SCTR: variants seen among roughly 807,000 people sequenced by gnomAD.
The protein encoded by SCTR is secretin receptor, also known as pancreatic secretin receptor.
Under a neutral mutation model 60.8 loss-of-function variants are expected in SCTR, and 56 were observed. The ratio of observed to expected loss-of-function variants is 0.92; its 90% CI spans 0.74 to 1.15. SCTR has a LOEUF of 1.15. Among genes scored for constraint, SCTR ranks in the 50% most tolerant of loss-of-function variants. The probability of loss-of-function intolerance (pLI) is 0.00; values close to 1 mark genes in which losing one functional copy is unlikely to be tolerated. For synonymous variants in SCTR, 202 were observed against 217.0 expected, an observed-to-expected ratio of 0.93 and a Z score of 0.61; for missense variants, 562 against 550.4, an observed-to-expected ratio of 1.02 and a Z score of -0.21.
In SCTR at chr2:119,446,885, C is replaced by T. The variant is rs779907372; in HGVS notation, c.1014G>A (p.Lys338=). ...ETRGNEVSHY[K]RLARSTLLLI... ...GCAGGAGAGTGGACCTGGCCAGGCG[C>T]CTGGGGACACAGAAAGCCTGTAGCC... Residue 338 remains lysine (K), a splice_region_variant and synonymous_variant, in exon 11 of 13, where the codon AAG becomes AAA. Transcript: ENST00000019103. 1 of 1,515,054 alleles carries T rather than the reference C, an allele frequency of 6.6e-7. No homozygotes were observed. Among genetic ancestry groups the T allele is most frequent in the Admixed American group, 2.1e-5 (1 of 48,286 alleles). 93.9% of individuals were successfully genotyped at this position (1,515,054 alleles called of 1,614,324 possible).
intron 4 of SCTR, among the ~76,000 whole-genome samples, chr2:119,467,176 C>A (rs766966309): frequency 6.6e-6 from 1 of 151,834 alleles, no homozygotes; most frequent in Non-Finnish European, 1.5e-5. Flanking sequence ...GGTTAGAGTT[C>A]GAGACCAGCC....
chr2:119,451,544 G>C (rs1417015703), intron 9 of SCTR, among the ~76,000 whole-genome samples: 1 of 152,170 alleles, frequency 6.6e-6, no homozygotes, highest in Non-Finnish European at 1.5e-5. Flanking sequence ...GAGCCCACTC[G>C]CAGCACTGCA....
chr2:119,465,141 C>T (rs566345443), intron 5 of SCTR, among the ~76,000 whole-genome samples: 70 of 152,280 alleles, frequency 4.6e-4, no homozygotes, highest in African/African-American at 1.5e-3. Flanking sequence ...GTGATTGGCT[C>T]AGAGTTGGGC....
chr2:119,473,563 G>A lies in SCTR; in HGVS notation c.302-7C>T. 6.3e-7 allele frequency: 1 copy of A among 1,596,672 alleles called. No individual in the cohort carries two copies. Among genetic ancestry groups the A allele is most frequent in the African/African-American group, 1.3e-5 (1 of 74,636 alleles). On this transcript the variant is annotated splice_region_variant and splice_polypyrimidine_tract_variant and intron_variant, in intron 3 of 12. Transcript: ENST00000019103. The stretch of plus-strand genomic sequence containing the variant: ...CAGTTTCGGAACAAGGAACCTGTGG[G>A]TGCCAAGAGTCCTGTAGGTGAGCCA...
chr2:119,509,111 G>A (rs200838376), intron 1 of SCTR, among the ~76,000 whole-genome samples: 6 of 152,332 alleles, frequency 3.9e-5, no homozygotes, highest in Middle Eastern at 3.4e-3. Flanking sequence ...TCAATGGGAC[G>A]TTAGTGATTT....
intron 12 of SCTR, among the ~76,000 whole-genome samples, chr2:119,440,902 C>G (rs543374325): frequency 3.0e-4 from 45 of 152,326 alleles, no homozygotes; most frequent in Non-Finnish European, 6.2e-4. Context: ...TGGGAAACAT[C>G]AAAGATCACT....
chr2:119,480,553 A>G (rs1677553480), intron 2 of SCTR: 1 of 152,236 alleles, frequency 6.6e-6, no homozygotes, highest in African/African-American at 2.4e-5. Context: ...GTTACTTTGA[A>G]TGCTATGAAC....
chr2:119,509,231 A>T (rs1271758111), intron 1 of SCTR, among the ~76,000 whole-genome samples: 1 of 152,192 alleles, frequency 6.6e-6, no homozygotes, highest in Non-Finnish European at 1.5e-5. Flanking sequence ...CAGGGGATGG[A>T]GCCAAGCCGG....
chr2:119,514,080 G>A (rs544658706), intron 1 of SCTR, among the ~76,000 whole-genome samples: 7 of 152,164 alleles, frequency 4.6e-5, no homozygotes, highest in African/African-American at 9.7e-5. Context: ...GTCCCACTGT[G>A]GTGTATAAGT....
chr2:119,493,842 T>C (rs1230728257), intron 2 of SCTR, among the ~76,000 whole-genome samples: 1 of 152,094 alleles, frequency 6.6e-6, no homozygotes, highest in Non-Finnish European at 1.5e-5. Context: ...GGTTTCACCA[T>C]ATTGGTCAAG....
intron 2 of SCTR, 72 bp from the exon 3 acceptor site, chr2:119,478,990 AC>A: frequency 6.3e-7 from 1 of 1,590,282 alleles, no homozygotes; most frequent in Non-Finnish European, 8.6e-7. Context: ...TGTCCACATC[AC>A]CGACACCCTT....
chr2:119,515,496 C>T (rs764323690), intron 1 of SCTR, among the ~76,000 whole-genome samples: 2 of 152,156 alleles, frequency 1.3e-5, no homozygotes, highest in East Asian at 1.9e-4. Context: ...TCTGCTTCAA[C>T]GTGGGCAGGC....
Position 119,478,881 on chromosome 2 carries a change from G to A in SCTR, c.231C>T (p.Pro77=). ...CCACCATCCGGCCCGGCACAGAAGA[G>A]GGCCAGCAGCTTATGTTGTCCCACA... ...EGMWDNISCW[P]SSVPGRMVEV... is the part of the protein sequence containing the mutation. Residue 77 remains proline, a synonymous_variant, in exon 3 of 13, where the codon CCC becomes CCT. Transcript: ENST00000019103. The A allele has an allele frequency of 3.7e-6, 6 of 1,614,204 alleles. No homozygotes were observed. Among genetic ancestry groups the A allele is most frequent in the Non-Finnish European group, 5.1e-6 (6 of 1,180,028 alleles).
At chr2:119,447,621 G>T (rs2104762463) in intron 10 of SCTR, among the ~76,000 whole-genome samples, 1 of 152,302 alleles carries the variant, frequency 6.6e-6, no homozygotes. Flanking sequence ...GTGCAGGCAG[G>T]AGTGCAGTGG....
chr2:119,494,127 A>G (rs1044324418), intron 2 of SCTR, among the ~76,000 whole-genome samples: 1 of 152,192 alleles, frequency 6.6e-6, no homozygotes, highest in African/African-American at 2.4e-5. Context: ...ACTGTCTTGC[A>G]GAGAAATTCC....
At chr2:119,471,295 A>C (rs769209554) in intron 4 of SCTR, among the ~76,000 whole-genome samples, 47 of 152,326 alleles carry the variant, frequency 3.1e-4, no homozygotes, top group Non-Finnish European at 6.5e-4. Flanking sequence ...AATTTGAAAC[A>C]AATAAGCCCC....
At chr2:119,512,584 A>T (rs1049814728) in intron 1 of SCTR, among the ~76,000 whole-genome samples, 1 of 150,204 alleles carries the variant, frequency 6.7e-6, no homozygotes, top group African/African-American at 2.5e-5. Context: ...TTTAGTAGAG[A>T]CGGGGTTTCA....
chr2:119,464,982 G>T (rs1223090424), intron 5 of SCTR, among the ~76,000 whole-genome samples: 2 of 152,182 alleles, frequency 1.3e-5, no homozygotes, highest in Non-Finnish European at 2.9e-5. Context: ...TGCTGCAGGG[G>T]ACAGAAGTCA....
At chr2:119,474,419 C>A (rs2587705) in intron 3 of SCTR, among the ~76,000 whole-genome samples, 1 of 152,036 alleles carries the variant, frequency 6.6e-6, no homozygotes, top group Non-Finnish European at 1.5e-5. Context: ...CTTGGAAGGC[C>A]ACCGTGAGGA....
Sources: gnomAD v4.1 joint callset for allele counts (sites outside exome capture counted in the v4.1 genomes callset) on GRCh38, gnomAD v4.1.1 for gene constraint, MANE v1.5 for transcripts, NCBI Gene and HGNC (gene_info 2026-07-23, HGNC 2026-07-21) for gene names.